Variants in EOMES observed in about 807,000 individuals in gnomAD.
EOMES encodes the protein eomesodermin homolog.
Under a neutral mutation model 61.0 loss-of-function variants are expected in EOMES, and 18 were observed. That is an observed-to-expected ratio of 0.30 (90% CI 0.20 to 0.44). The LOEUF (loss-of-function observed/expected upper bound fraction) is 0.44, where lower values mean the gene tolerates loss of function less well. EOMES is among the 20% of genes least tolerant of loss of function. The pLI is 1.00. For synonymous variants in EOMES, 430 were observed against 394.0 expected (o/e 1.09, Z -1.08); for missense variants, 885 against 939.2 (o/e 0.94, Z 0.75).
intron 1 of EOMES, among the ~76,000 whole-genome samples, chr3:27,720,999 G>A (rs1025564039): frequency 1.3e-5 from 2 of 152,152 alleles, no homozygotes; most frequent in Admixed American, 6.5e-5. Context: ...CTAAAACTGC[G>A]GGAGCCCATC....
At chr3:27,718,972 T>G in intron 3 of EOMES, 79 bp from the exon 4 acceptor site, 1 of 1,134,774 alleles carries the variant, frequency 8.8e-7, no homozygotes. Flanking sequence ...TGACAAATTA[T>G]GTATTTTGGT....
chr3:27,721,656 A>G lies in EOMES; in HGVS notation c.639T>C (p.Gly213=), dbSNP rs916633794. ...TGCTACCGCCCGCGCCACTGCCCGC[A>G]CCGGCTCCTGGGCCGAACTGCGCCC... ...PGRAQFGPGA[G]AGSGAGGSSG... Residue 213 remains glycine (G), a synonymous_variant, in exon 1 of 6, where the codon GGT becomes GGC. Transcript: ENST00000449599. This position sits in a 1 kb window ranked among gnomAD's most constrained non-coding sequence, Gnocchi z 7.4. The G allele has an allele frequency of 6.5e-7, 1 of 1,539,252 alleles. No individual in the cohort carries two copies. The highest frequency in any genetic ancestry group is 1.4e-5 in the African/African-American group (1 of 72,756).
At chr3:27,720,136 C>T in intron 2 of EOMES, 35 bp downstream of exon 2, 1 of 1,523,118 alleles carries the variant, frequency 6.6e-7, no homozygotes, top group Non-Finnish European at 8.8e-7. Context: ...TCTTCCCGCC[C>T]GTTCCTCCCC....
Position 27,717,658 on chromosome 3 carries a change from A to G in EOMES, c.1530T>C (p.Asn510=). 6.2e-7 allele frequency: 1 copy of G among 1,614,112 alleles called. No individual in the cohort carries two copies. Among genetic ancestry groups the G allele is most frequent in the Non-Finnish European group, 8.5e-7 (1 of 1,180,032 alleles). Residue 510 remains asparagine (N), a synonymous_variant, in exon 6 of 6, where the codon AAT becomes AAC. Transcript: ENST00000449599. This position sits in a 1 kb window ranked among gnomAD's most constrained non-coding sequence, Gnocchi z 4.5. ...TGGTCTGTGGCACGGTTCTCTCGCC[A>G]TTATAATAGCGGGCTTGAGGTAAAG... ...VNTLPQARYY[N]GERTVPQTNG...
chr3:27,717,896 G>T lies in EOMES; in HGVS notation c.1380-88C>A. On this transcript the variant is annotated intron_variant, in intron 5 of 5. Coordinates refer to ENST00000449599, the MANE Select transcript of EOMES (RefSeq NM_001278182.2). The surrounding 1 kb of genome is among the most constrained non-coding windows in gnomAD (Gnocchi z 4.5). Reference sequence around the variant, plus strand: ...CACCTCCCAGAAATGAAAAAGGCTTGTGTTGGTTATCTACACCGAAAGTGC... The same window carrying T: ...CACCTCCCAGAAATGAAAAAGGCTTTTGTTGGTTATCTACACCGAAAGTGC... 1 of 1,015,178 alleles carries T rather than the reference G, an allele frequency of 9.9e-7. No individual in the cohort carries two copies. The highest frequency in any genetic ancestry group is 1.4e-6 in the Non-Finnish European group (1 of 718,110). The allele number at this position is 1,015,178 out of a possible 1,614,324, so 62.9% of individuals were successfully genotyped here. A position where few individuals can be genotyped will look rare whatever the true frequency, so the allele number is the denominator to read the frequency against.
chr3:27,718,247 T>TG (rs1373981208), intron 5 of EOMES, among the ~76,000 whole-genome samples: 1 of 148,700 alleles, frequency 6.7e-6, no homozygotes, highest in African/African-American at 2.5e-5. Flanking sequence ...AAAGTGGGGG[T>TG]GGGGGAGAGT....
Position 27,717,208 on chromosome 3 carries a change from C to T in EOMES, c.1980G>A (p.Lys660=), listed in dbSNP as rs776828244. The change falls in exon 6 of 6, where the codon AAG becomes AAA. Residue 660 remains lysine, a synonymous_variant. Coordinates refer to ENST00000449599, the MANE Select transcript of EOMES (RefSeq NM_001278182.2). This position sits in a 1 kb window ranked among gnomAD's most constrained non-coding sequence, Gnocchi z 4.5. ...AGTTGCTAGGAGACAGCCGCCTTCG[C>T]TTACAAGCACTGGTGTATACTCCTG... is the stretch of plus-strand genomic sequence containing the variant. ...NDSGVYTSAC[K]RRRLSPSNSS... The T allele has an allele frequency of 1.2e-6, 2 of 1,613,358 alleles. No individual in the cohort carries two copies. Among genetic ancestry groups the T allele is most frequent in the South Asian group, 2.2e-5 (2 of 91,088 alleles).
At position 27,718,714 on chromosome 3, in the gene EOMES, T is replaced by A. The variant is rs375610979; in HGVS notation, c.1317+21A>T. ...GCTGGACCTTAGCTTTAGAGATTCTTGAGATGTCTGGGACACTCACATCGG... is the reference window on the plus strand; with the variant it reads ...GCTGGACCTTAGCTTTAGAGATTCTAGAGATGTCTGGGACACTCACATCGG... On this transcript the variant is annotated intron_variant, in intron 4 of 5. Transcript: ENST00000449599. 11 of 1,613,894 alleles carry A rather than the reference T, an allele frequency of 6.8e-6. No individual in the cohort carries two copies. The African/African-American group carries it at 1.5e-4, about 22-fold the overall frequency.
At chr3:27,718,390 T>G (rs917239581) in intron 5 of EOMES, among the ~76,000 whole-genome samples, 197 bp downstream of exon 5, 10 of 152,342 alleles carry the variant, frequency 6.6e-5, no homozygotes, top group Admixed American at 5.2e-4. Context: ...GTCCTTAACA[T>G]TTCTTCAGAA....
intron 3 of EOMES, among the ~76,000 whole-genome samples, 172 bp downstream of exon 3, chr3:27,719,188 A>G (rs1330707666): frequency 6.6e-6 from 1 of 152,180 alleles, no homozygotes; most frequent in Non-Finnish European, 1.5e-5. Flanking sequence ...TCGAAATCCA[A>G]TAAGAAAGTG....
At position 27,717,956 on chromosome 3, in the gene EOMES, T is replaced by C. The variant is rs1016763133; in HGVS notation, c.1380-148A>G. On this transcript the variant is annotated intron_variant, in intron 5 of 5. Transcript: ENST00000449599. The surrounding 1 kb of genome is among the most constrained non-coding windows in gnomAD (Gnocchi z 4.5). ...GGGCTGAAAGAACAGAGGCAGGAGA[T>C]GCACTGGCCCATTTTAGCTGGACTC... 21 of 612,286 alleles carry C rather than the reference T, an allele frequency of 3.4e-5. No individual in the cohort carries two copies. Among genetic ancestry groups the C allele is most frequent in the Non-Finnish European group, 5.7e-5 (21 of 369,076 alleles). 37.9% of individuals were successfully genotyped at this position (612,286 alleles called of 1,614,324 possible). A position where few individuals can be genotyped will look rare whatever the true frequency, so the allele number is the denominator to read the frequency against.
In EOMES at chr3:27,720,395, C is replaced by A. The variant is rs943368802; in HGVS notation, c.882-70G>T. 11 of 1,387,454 alleles carry A rather than the reference C, an allele frequency of 7.9e-6. No homozygotes were observed. The African/African-American group carries it at 1.3e-4, about 16-fold the overall frequency. 85.9% of individuals were successfully genotyped at this position (1,387,454 alleles called of 1,614,324 possible). ...GTCCTAGAACAGGCCCAGGCCCCAGCGGGTTCCCCAGACACCTGGGATAGG... is the reference window on the plus strand; with the variant it reads ...GTCCTAGAACAGGCCCAGGCCCCAGAGGGTTCCCCAGACACCTGGGATAGG... On this transcript the variant is annotated intron_variant, in intron 1 of 5. Transcript: ENST00000449599.
rs1198281170 is a variant in EOMES at position 27,716,096 on chromosome 3, G to A, written c.*974C>T. The A allele has an allele frequency of 1.3e-5, 2 of 152,160 alleles. No individual in the cohort carries two copies. Among genetic ancestry groups the A allele is most frequent in the African/African-American group, 4.8e-5 (2 of 41,428 alleles). The allele number at this position is 152,160 out of a possible 1,614,324, so 9.4% of individuals were successfully genotyped here. The stretch of plus-strand genomic sequence containing the variant: ...AGGGAGAGGGGATGGCGCAAGAAGA[G>A]GATGAAATAGGAGTTTTCCTTAAAC... On this transcript the variant is annotated 3_prime_UTR_variant, in exon 6 of 6. Transcript: ENST00000449599.
Position 27,717,475 on chromosome 3 carries a change from G to A in EOMES, c.1713C>T (p.Ser571=), listed in dbSNP as rs781169545. The part of the protein sequence containing the change: ...SSTLLPYGIK[S]LPLQTSHALG... ...GGGCATGGGATGTCTGAAGGGGCAA[G>A]GATTTAATGCCATATGGGAGCAATG... Residue 571 remains serine (S), a synonymous_variant, in exon 6 of 6, where the codon TCC becomes TCT. Transcript: ENST00000449599. This position sits in a 1 kb window ranked among gnomAD's most constrained non-coding sequence, Gnocchi z 4.5. 2 of 1,614,210 alleles carry A rather than the reference G, an allele frequency of 1.2e-6. No homozygotes were observed. Among genetic ancestry groups the A allele is most frequent in the African/African-American group, 1.3e-5 (1 of 75,064 alleles).
chr3:27,716,326 A>T lies in EOMES; in HGVS notation c.*744T>A, dbSNP rs551122331. The T allele has an allele frequency of 1.3e-5, 2 of 150,446 alleles. No individual in the cohort carries two copies. The highest frequency in any genetic ancestry group is 4.2e-4 in the South Asian group (2 of 4,740). 9.3% of individuals were successfully genotyped at this position (150,446 alleles called of 1,614,324 possible). ...AGACTATTTGTACAATATATACCAC[A>T]TTATTCTATAGTGTATCTAAACACA... On this transcript the variant is annotated 3_prime_UTR_variant, in exon 6 of 6. Coordinates refer to ENST00000449599, the MANE Select transcript of EOMES (RefSeq NM_001278182.2).
Position 27,717,189 on chromosome 3 carries a change from T to C in EOMES, c.1999A>G (p.Ser667Gly), listed in dbSNP as rs772220812. 1.9e-6 allele frequency: 3 copies of C among 1,614,104 alleles called. No homozygotes were observed. Among genetic ancestry groups the C allele is most frequent in the Non-Finnish European group, 2.5e-6 (3 of 1,179,938 alleles). ...GGTGAATTTTCATTACTGGAGTTGC[T>C]AGGAGACAGCCGCCTTCGCTTACAA... ...SACKRRRLSP[S>G]NSSNENSPSI... The change falls in exon 6 of 6, where the codon AGC (serine) becomes GGC (glycine). Residue 667 changes from serine (S) to glycine (G), a missense_variant. Coordinates refer to ENST00000449599, the MANE Select transcript of EOMES (RefSeq NM_001278182.2). The surrounding 1 kb of genome is among the most constrained non-coding windows in gnomAD (Gnocchi z 4.5).
rs1454167423 is a variant in EOMES, at chr3:27,722,136, C to T, written c.159G>A (p.Lys53=). 1 of 1,559,976 alleles carries T rather than the reference C, an allele frequency of 6.4e-7. No homozygotes were observed. The highest frequency in any genetic ancestry group is 1.2e-5 in the South Asian group (1 of 84,930). The change falls in exon 1 of 6, where the codon AAG becomes AAA. Residue 53 remains lysine, a synonymous_variant. Transcript: ENST00000449599. ...CGCAGGAGAGACTGCCGGAAAACTT[C>T]TTGGACGCTTTGTCTAAGTCCAACT... The part of the protein sequence containing the change: ...PQKLDLDKAS[K]KFSGSLSCEA...
In EOMES at chr3:27,721,590, C is replaced by A; in HGVS notation, c.705G>T (p.Gln235His). The A allele has an allele frequency of 6.4e-7, 1 of 1,569,946 alleles. No homozygotes were observed. Among genetic ancestry groups the A allele is most frequent in the South Asian group, 1.2e-5 (1 of 86,566 alleles). ...GGGPGTYQYSQGAPLYGPYPG... is the reference protein window; with the variant it reads ...GGGPGTYQYSHGAPLYGPYPG... ...GGTACGGCCCGTAGAGCGGAGCCCC[C>A]TGGCTGTACTGATAGGTGCCCGGGC... The change falls in exon 1 of 6, where the codon CAG becomes CAT. Residue 235 changes from glutamine (Q) to histidine (H), a missense_variant. Coordinates refer to ENST00000449599, the MANE Select transcript of EOMES (RefSeq NM_001278182.2). The surrounding 1 kb of genome is among the most constrained non-coding windows in gnomAD (Gnocchi z 7.4).
At position 27,716,355 on chromosome 3, in the gene EOMES, C is replaced by T. The variant is rs531923018; in HGVS notation, c.*715G>A. ...TTCTATAGTGTATCTAAACACACAA[C>T]TGTACACTTTTAAATTCTCCCTTTT... On this transcript the variant is annotated 3_prime_UTR_variant, in exon 6 of 6. Coordinates refer to ENST00000449599, the MANE Select transcript of EOMES (RefSeq NM_001278182.2). The T allele has an allele frequency of 6.7e-6, 1 of 149,668 alleles. No homozygotes were observed. Among genetic ancestry groups the T allele is most frequent in the East Asian group, 2.0e-4 (1 of 5,052 alleles). The allele number at this position is 149,668 out of a possible 1,614,324, so 9.3% of individuals were successfully genotyped here. A position where few individuals can be genotyped will look rare whatever the true frequency, so the allele number is the denominator to read the frequency against.
Sources: allele counts gnomAD v4.1 joint callset (sites outside exome capture counted in the v4.1 genomes callset), GRCh38; gene constraint gnomAD v4.1.1; non-coding constraint Gnocchi (gnomAD v3.1); transcripts MANE v1.5; gene names NCBI Gene and HGNC (gene_info 2026-07-23, HGNC 2026-07-21).